USP53: variants seen among roughly 807,000 people sequenced by gnomAD.
The protein encoded by USP53 is ubiquitin specific peptidase 53, also known as ubiquitin carboxyl-terminal hydrolase 53.
Under a neutral mutation model 94.9 loss-of-function variants are expected in USP53, and 71 were observed. The ratio of observed to expected loss-of-function variants is 0.75; its 90% CI spans 0.62 to 0.91. The LOEUF is 0.91. Ranked by LOEUF, USP53 falls within the 40% of genes least tolerant of loss-of-function variation. The pLI is 0.00. For missense variants in USP53, 1,173 were observed against 1,281.0 expected (o/e 0.92, Z 1.29); for synonymous variants, 375 against 422.7 (o/e 0.89, Z 1.39).
At chr4:119,233,955 A>G (rs1327162230) in intron 3 of USP53, among the ~76,000 whole-genome samples, 1 of 152,182 alleles carries the variant, frequency 6.6e-6, no homozygotes, top group Non-Finnish European at 1.5e-5. Flanking sequence ...AGTTGGTGCC[A>G]AAAAGGAACT....
chr4:119,272,269 C>T, intron 16 of USP53: 1 of 350,260 alleles, frequency 2.9e-6, no homozygotes. Flanking sequence ...TTTCCTGATT[C>T]CAAAAATAGC....
At chr4:119,244,588 A>G (rs922724519) in intron 5 of USP53, among the ~76,000 whole-genome samples, 1 of 152,176 alleles carries the variant, frequency 6.6e-6, no homozygotes, top group East Asian at 1.9e-4. Flanking sequence ...TAATCCTTAC[A>G]AGAACTCTAT....
intron 6 of USP53, among the ~76,000 whole-genome samples, chr4:119,247,229 T>C (rs1391148819): frequency 1.3e-5 from 2 of 152,194 alleles, no homozygotes; most frequent in East Asian, 3.9e-4. Context: ...CTCTTTCCTG[T>C]GCTTGCCTTC....
intron 17 of USP53, among the ~76,000 whole-genome samples, chr4:119,280,490 A>G (rs1221508281): frequency 2.6e-5 from 4 of 152,118 alleles, no homozygotes; most frequent in Non-Finnish European, 5.9e-5. Flanking sequence ...CCTACCTTTT[A>G]TGTCTATGGG....
chr4:119,266,814 T>G (rs1751187341), intron 12 of USP53, among the ~76,000 whole-genome samples: 2 of 152,178 alleles, frequency 1.3e-5, no homozygotes, highest in South Asian at 4.1e-4. Flanking sequence ...TGGTTTGGTA[T>G]GCTAAGAAAT....
intron 1 of USP53, among the ~76,000 whole-genome samples, chr4:119,213,660 A>ATATATATG: frequency 0.013 from 1,562 of 117,750 alleles, 69 homozygotes; most frequent in African/African-American, 0.044. Flanking sequence ...ATATATATAT[A>ATATATATG]TGTGTGTGTG....
chr4:119,223,781 T>C (rs2149273633), intron 3 of USP53, among the ~76,000 whole-genome samples: 1 of 152,322 alleles, frequency 6.6e-6, no homozygotes, highest in Non-Finnish European at 1.5e-5. Context: ...TTAGCTCTAC[T>C]ACTTACAGTC....
At chr4:119,268,990 A>G (rs1301239359) in intron 14 of USP53, among the ~76,000 whole-genome samples, 5 of 152,234 alleles carry the variant, frequency 3.3e-5, no homozygotes, top group Non-Finnish European at 5.9e-5. Flanking sequence ...TGATTTTGTT[A>G]GCAACCTTTA....
rs111356964 is a variant in USP53, at chr4:119,224,660, A to G, written c.-665+6987A>G. ...CAGAGAGGAAACTCTGGCAATCTGC[A>G]TAAGAGTGCCCTTGAATCTCTGGCT... is the stretch of plus-strand genomic sequence containing the variant. On this transcript the variant is annotated intron_variant, in intron 3 of 18. Transcript: ENST00000692078. Among the ~76,000 whole-genome samples the G allele has an allele frequency of 8.5e-5, 13 of 152,340 alleles. No homozygotes were observed. In the South Asian group the frequency reaches 2.1e-3, roughly 24 times the overall value.
intron 3 of USP53, among the ~76,000 whole-genome samples, chr4:119,224,114 C>T (rs1366253904): frequency 1.3e-5 from 2 of 152,186 alleles, no homozygotes; most frequent in African/African-American, 4.8e-5. Flanking sequence ...ATTGTCCTGC[C>T]TCAGCCTCCT....
chr4:119,265,597 G>C (rs1387781684), intron 12 of USP53, among the ~76,000 whole-genome samples: 1 of 152,018 alleles, frequency 6.6e-6, no homozygotes, highest in East Asian at 1.9e-4. Context: ...CCTGAACCTG[G>C]GAGGTGGAGG....
intron 17 of USP53, among the ~76,000 whole-genome samples, chr4:119,288,850 A>G (rs536169580): frequency 2.0e-5 from 3 of 151,220 alleles, no homozygotes; most frequent in Non-Finnish European, 2.9e-5. Flanking sequence ...AGGCAGGACA[A>G]TTGCTTGAGC....
intron 7 of USP53, among the ~76,000 whole-genome samples, chr4:119,250,140 A>G (rs565295316): frequency 6.6e-6 from 1 of 152,100 alleles, no homozygotes; most frequent in Non-Finnish European, 1.5e-5. Flanking sequence ...TCCTAGTGAG[A>G]TTATTCCATT....
intron 1 of USP53, 49 bp downstream of exon 1, chr4:119,212,922 C>A (rs921059486): frequency 1.7e-5 from 3 of 175,788 alleles, no homozygotes; most frequent in Non-Finnish European, 3.7e-5. Flanking sequence ...AGACCTGCGA[C>A]CCCCGCGGGC....
At chr4:119,230,776 A>G (rs1176064654) in intron 3 of USP53, among the ~76,000 whole-genome samples, 2 of 152,210 alleles carry the variant, frequency 1.3e-5, no homozygotes, top group Non-Finnish European at 2.9e-5. Flanking sequence ...TGGGGAGCCA[A>G]CGAGATATGC....
intron 9 of USP53, 56 bp from the exon 10 acceptor site, chr4:119,259,764 A>C: frequency 7.3e-7 from 1 of 1,379,100 alleles, no homozygotes; most frequent in Non-Finnish European, 1.0e-6. Flanking sequence ...TTCATGTGTA[A>C]TTTATTAAAG....
At chr4:119,223,490 T>TA (rs1744824381) in intron 3 of USP53, among the ~76,000 whole-genome samples, 2 of 152,180 alleles carry the variant, frequency 1.3e-5, no homozygotes, top group African/African-American at 4.8e-5. Flanking sequence ...AATTTGAAGA[T>TA]CGCTGCCTTT....
chr4:119,249,162 A>G lies in USP53; in HGVS notation c.372+280A>G, dbSNP rs147246416. On this transcript the variant is annotated intron_variant, in intron 7 of 18. Transcript: ENST00000692078. ...GGAGCAATAAGCTTTGCTGAATATA[A>G]ATGATATCACTTAAATCAGTGTTCT... Among the ~76,000 whole-genome samples the G allele has an allele frequency of 7.2e-5, 11 of 152,328 alleles. No homozygotes were observed. In the East Asian group the frequency reaches 1.3e-3, roughly 19 times the overall value.
At chr4:119,251,848 A>G (rs745504117) in intron 7 of USP53, among the ~76,000 whole-genome samples, 1 of 152,216 alleles carries the variant, frequency 6.6e-6, no homozygotes, top group Admixed American at 6.5e-5. Context: ...TTGTCCATTC[A>G]GTATAATATT....
Sources: allele counts gnomAD v4.1 joint callset (sites outside exome capture counted in the v4.1 genomes callset), GRCh38; gene constraint gnomAD v4.1.1; transcripts MANE v1.5; gene names NCBI Gene and HGNC (gene_info 2026-07-23, HGNC 2026-07-21).